Variants in CCR1 observed in about 807,000 individuals in gnomAD.
CCR1 encodes C-C chemokine receptor type 1.
In CCR1, 1 loss-of-function variant was observed where a neutral mutation model predicts 0.3. The observed-to-expected ratio is 3.70, with a 90% CI of 1.31 to 17.54. The LOEUF (loss-of-function observed/expected upper bound fraction) is 17.54, where lower values mean the gene tolerates loss of function less well. Ranked by LOEUF, CCR1 falls within the 30% of genes most tolerant of loss-of-function variation. CCR1 has a pLI of 0.11. For missense variants in CCR1, 349 were observed against 435.4 expected, an observed-to-expected ratio of 0.80 and a Z score of 1.77; for synonymous variants, 207 against 182.5, an observed-to-expected ratio of 1.13 and a Z score of -1.08.
In CCR1 at chr3:46,204,213, G is replaced by A; in HGVS notation, c.101C>T (p.Ala34Val). The change falls in exon 2 of 2, where the codon GCC becomes GTC. Residue 34 changes from alanine (A) to valine (V), a missense_variant. Physicochemically the swap from Ala to Val is moderately conservative, Grantham distance 64. Coordinates refer to ENST00000296140, the MANE Select transcript of CCR1 (RefSeq NM_001295.3). ...GGAGTACAGAGGGGGCAGCAGTTGG[G>A]CCCCAAAGGCCCTCTCGTTCACCTT... ...CQKVNERAFG[A>V]QLLPPLYSLV... 6.2e-7 allele frequency: 1 copy of A among 1,613,894 alleles called. No homozygotes were observed. The highest frequency in any genetic ancestry group is 8.5e-7 in the Non-Finnish European group (1 of 1,179,900).
chr3:46,205,880 G>A (rs1322477082), intron 1 of CCR1, among the ~76,000 whole-genome samples: 3 of 152,078 alleles, frequency 2.0e-5, no homozygotes, highest in African/African-American at 7.2e-5. Context: ...CTTCCCTGAG[G>A]CCTGACACCA....
At chr3:46,207,998 C>A (rs1325539028) in intron 1 of CCR1, among the ~76,000 whole-genome samples, 2 of 152,190 alleles carry the variant, frequency 1.3e-5, no homozygotes, top group Admixed American at 1.3e-4. Context: ...TTAGTACTGA[C>A]TGACTTTCTT....
In CCR1 at chr3:46,204,264, T is replaced by TCAACC; in HGVS notation, c.49_50insGGTTG (p.Asp17GlyfsTer13). The TCAACC allele has an allele frequency of 6.2e-7, 1 of 1,613,012 alleles. No homozygotes were observed. Among genetic ancestry groups the TCAACC allele is most frequent in the Non-Finnish European group, 8.5e-7 (1 of 1,179,582 alleles). The stretch of plus-strand genomic sequence containing the variant: ...CTGGCACGGAGTTGCATCCCCATAG[T>TCAACC]CAAACTCTGTGGTCGTGTCATAGTC... On this transcript the variant is annotated frameshift_variant, in exon 2 of 2. Coordinates refer to ENST00000296140, the MANE Select transcript of CCR1 (RefSeq NM_001295.3). LOFTEE classifies it low-confidence loss of function (END_TRUNC).
rs200167233 is a variant in CCR1 at position 46,203,555 on chromosome 3, G to T, written c.759C>A (p.Thr253=). Reference sequence around the variant, plus strand: ...AAATAAGTATAGTCAAATTGTAGGGGGTCCAAAAGAGAAAAAAGATGATCA... The same window carrying T: ...AAATAAGTATAGTCAAATTGTAGGGTGTCCAAAAGAGAAAAAAGATGATCA... ...VIMIIFFLFW[T]PYNLTILISV... The change falls in exon 2 of 2, where the codon ACC becomes ACA. Residue 253 remains threonine, a synonymous_variant. Coordinates refer to ENST00000296140, the MANE Select transcript of CCR1 (RefSeq NM_001295.3). The surrounding 1 kb of genome is among the most constrained non-coding windows in gnomAD (Gnocchi z 4.5). 2.1e-5 allele frequency: 34 copies of T among 1,613,802 alleles called. No homozygotes were observed. The highest frequency in any genetic ancestry group is 2.7e-5 in the Non-Finnish European group (32 of 1,179,972).
At position 46,203,058 on chromosome 3, in the gene CCR1, A is replaced by G; in HGVS notation, c.*188T>C. Reference sequence around the variant, plus strand: ...CTTCTTTCTACCAGGGGAGAAGTTCATGGAAAAGACTGAAGCCCCAGAAGC... The same window carrying G: ...CTTCTTTCTACCAGGGGAGAAGTTCGTGGAAAAGACTGAAGCCCCAGAAGC... On this transcript the variant is annotated 3_prime_UTR_variant, in exon 2 of 2. Transcript: ENST00000296140. This position sits in a 1 kb window ranked among gnomAD's most constrained non-coding sequence, Gnocchi z 4.5. 5.6e-6 allele frequency: 3 copies of G among 539,752 alleles called. No individual in the cohort carries two copies. Among genetic ancestry groups the G allele is most frequent in the Non-Finnish European group, 9.8e-6 (3 of 304,652 alleles). The allele number at this position is 539,752 out of a possible 1,614,324, so 33.4% of individuals were successfully genotyped here. A position where few individuals can be genotyped will look rare whatever the true frequency, so the allele number is the denominator to read the frequency against.
At position 46,203,924 on chromosome 3, in the gene CCR1, G is replaced by A; in HGVS notation, c.390C>T (p.Asp130=). The part of the protein sequence containing the change: ...EIFFIILLTI[D]RYLAIVHAVF... ...CGGCGTGGACGATGGCCAGGTACCT[G>A]TCAATCGTCAGCAGGATGATGAAAA... is the stretch of plus-strand genomic sequence containing the variant. Residue 130 remains aspartate, a synonymous_variant, in exon 2 of 2, where the codon GAC becomes GAT. Transcript: ENST00000296140. This position sits in a 1 kb window ranked among gnomAD's most constrained non-coding sequence, Gnocchi z 4.5. The A allele has an allele frequency of 6.2e-7, 1 of 1,614,174 alleles. No individual in the cohort carries two copies.
intron 1 of CCR1, among the ~76,000 whole-genome samples, chr3:46,205,466 G>A (rs181288066): frequency 1.2e-4 from 19 of 152,202 alleles, no homozygotes; most frequent in African/African-American, 4.6e-4. Flanking sequence ...TTTTACCCAC[G>A]GATGCCTTAA....
chr3:46,203,391 A>T lies in CCR1; in HGVS notation c.923T>A (p.Phe308Tyr), dbSNP rs377240394. The T allele has an allele frequency of 1.2e-6, 2 of 1,614,020 alleles. No individual in the cohort carries two copies. Among genetic ancestry groups the T allele is most frequent in the African/African-American group, 2.7e-5 (2 of 74,902 alleles). ...GAACAACTGCCGCAGGTACTTCCGG[A>T]ACCTCTCACCAACGAAGGCGTAGAT... ...PVIYAFVGERFRKYLRQLFHR... is the reference protein window; with the variant it reads ...PVIYAFVGERYRKYLRQLFHR... Residue 308 changes from phenylalanine to tyrosine, a missense_variant, in exon 2 of 2, where the codon TTC becomes TAC. Physicochemically the swap from Phe to Tyr is conservative, Grantham distance 22. Transcript: ENST00000296140. This position sits in a 1 kb window ranked among gnomAD's most constrained non-coding sequence, Gnocchi z 4.5.
chr3:46,208,245 A>C (rs1699664156), intron 1 of CCR1, 37 bp downstream of exon 1: 1 of 152,192 alleles, frequency 6.6e-6, no homozygotes, highest in Admixed American at 6.5e-5. Context: ...TGCCCTCCAC[A>C]GTAACAGATA....
chr3:46,203,382 TA>T lies in CCR1; in HGVS notation c.931del (p.Tyr311ThrfsTer59), dbSNP rs1264793656. On this transcript the variant is annotated frameshift_variant, in exon 2 of 2. Transcript: ENST00000296140. LOFTEE classifies it low-confidence loss of function (END_TRUNC). This position sits in a 1 kb window ranked among gnomAD's most constrained non-coding sequence, Gnocchi z 4.5. ...YAFVGERFRK[Y>X]LRQLFHRRVA... ...ACGCCTGTGGAACAACTGCCGCAGG[TA>T]CTTCCGGAACCTCTCACCAACGAAG... is the stretch of plus-strand genomic sequence containing the variant. The T allele has an allele frequency of 6.2e-7, 1 of 1,614,116 alleles. No homozygotes were observed. Among genetic ancestry groups the T allele is most frequent in the Admixed American group, 1.7e-5 (1 of 60,016 alleles).
intron 1 of CCR1, among the ~76,000 whole-genome samples, chr3:46,205,703 A>C (rs1392899117): frequency 6.6e-6 from 1 of 152,120 alleles, no homozygotes. Flanking sequence ...AGCAACTCTT[A>C]TCTTGCAAGG....
At position 46,202,882 on chromosome 3, in the gene CCR1, G is replaced by A. The variant is rs1254572352; in HGVS notation, c.*364C>T. The A allele has an allele frequency of 2.7e-5, 5 of 187,742 alleles. No homozygotes were observed. Among genetic ancestry groups the A allele is most frequent in the African/African-American group, 1.2e-4 (5 of 42,302 alleles). The allele number at this position is 187,742 out of a possible 1,614,324, so 11.6% of individuals were successfully genotyped here. The stretch of plus-strand genomic sequence containing the variant: ...AATGGAGCCCACAGTCACCACTACT[G>A]GGTTTAATTGGTTTGTGCAAGCAAT... On this transcript the variant is annotated 3_prime_UTR_variant, in exon 2 of 2. Transcript: ENST00000296140.
In CCR1 at chr3:46,201,861, AAAAGCAC is replaced by A; in HGVS notation, c.*1378_*1384del. On this transcript the variant is annotated 3_prime_UTR_variant, in exon 2 of 2. Transcript: ENST00000296140. ...AAACAAACTAAAAGAAAATACACTCAAAAGCACACAGTGGGCACATTTTGTCTTTGGG... is the reference window on the plus strand; with the variant it reads ...AAACAAACTAAAAGAAAATACACTCAACAGTGGGCACATTTTGTCTTTGGG... The A allele has an allele frequency of 6.6e-6, 1 of 152,360 alleles. No homozygotes were observed. The highest frequency in any genetic ancestry group is 1.5e-5 in the Non-Finnish European group (1 of 68,032). The allele number at this position is 152,360 out of a possible 1,614,324, so 9.4% of individuals were successfully genotyped here.
At chr3:46,207,336 C>T (rs1471869552) in intron 1 of CCR1, among the ~76,000 whole-genome samples, 1 of 152,050 alleles carries the variant, frequency 6.6e-6, no homozygotes, top group Non-Finnish European at 1.5e-5. Flanking sequence ...GAAGTAGATA[C>T]CTATACGGAG....
chr3:46,206,523 G>T (rs1315156480), intron 1 of CCR1, among the ~76,000 whole-genome samples: 1 of 152,222 alleles, frequency 6.6e-6, no homozygotes, highest in Non-Finnish European at 1.5e-5. Flanking sequence ...GTGGAAGTAT[G>T]CAAATAGCTT....
rs146106258 is a variant in CCR1 at position 46,204,230 on chromosome 3, G to A, written c.84C>T (p.Asn28=). The change falls in exon 2 of 2, where the codon AAC becomes AAT. Residue 28 remains asparagine (N), a synonymous_variant. Coordinates refer to ENST00000296140, the MANE Select transcript of CCR1 (RefSeq NM_001295.3). The stretch of plus-strand genomic sequence containing the variant: ...GCAGTTGGGCCCCAAAGGCCCTCTC[G>A]TTCACCTTCTGGCACGGAGTTGCAT... ...YGDATPCQKV[N]ERAFGAQLLP... 3.3e-5 allele frequency: 53 copies of A among 1,613,114 alleles called. No individual in the cohort carries two copies. The African/African-American group carries it at 4.1e-4, about 13-fold the overall frequency.
chr3:46,203,180 G>A lies in CCR1; in HGVS notation c.*66C>T. 8.4e-7 allele frequency: 1 copy of A among 1,193,178 alleles called. No individual in the cohort carries two copies. The highest frequency in any genetic ancestry group is 1.4e-5 in the South Asian group (1 of 70,854). The allele number at this position is 1,193,178 out of a possible 1,614,324, so 73.9% of individuals were successfully genotyped here. On this transcript the variant is annotated 3_prime_UTR_variant, in exon 2 of 2. Coordinates refer to ENST00000296140, the MANE Select transcript of CCR1 (RefSeq NM_001295.3). The surrounding 1 kb of genome is among the most constrained non-coding windows in gnomAD (Gnocchi z 4.5). ...GTCAGAACCTGGCTGGGAGAGCCAG[G>A]CTGCTGGCTCAGTGTGCCTGGCAGG...
At position 46,204,018 on chromosome 3, in the gene CCR1, C is replaced by A; in HGVS notation, c.296G>T (p.Trp99Leu). The part of the protein sequence containing the change: ...FWIDYKLKDD[W>L]VFGDAMCKIL... ...CTTACACATGGCATCACCAAAAACC[C>A]AGTCATCCTTCAACTTGTAGTCGAT... Residue 99 changes from tryptophan (W) to leucine (L), a missense_variant, in exon 2 of 2, where the codon TGG (tryptophan) becomes TTG (leucine). Coordinates refer to ENST00000296140, the MANE Select transcript of CCR1 (RefSeq NM_001295.3). The A allele has an allele frequency of 1.2e-6, 2 of 1,614,206 alleles. No homozygotes were observed. Among genetic ancestry groups the A allele is most frequent in the Non-Finnish European group, 1.7e-6 (2 of 1,180,040 alleles).
rs1699623220 is a variant in CCR1 at position 46,203,956 on chromosome 3, C to T, written c.358G>A (p.Glu120Lys). 6.2e-7 allele frequency: 1 copy of T among 1,614,166 alleles called. No individual in the cohort carries two copies. The highest frequency in any genetic ancestry group is 8.5e-7 in the Non-Finnish European group (1 of 1,180,024). Reference sequence around the variant, plus strand: ...GTCAGCAGGATGATGAAAAAGATCTCGCTGTACAAGCCTGTGTAATAAAAC... The same window carrying T: ...GTCAGCAGGATGATGAAAAAGATCTTGCTGTACAAGCCTGTGTAATAAAAC... ...SGFYYTGLYS[E>K]IFFIILLTID... Residue 120 changes from glutamate (E) to lysine (K), a missense_variant, in exon 2 of 2, where the codon GAG becomes AAG. Glu to Lys is a moderately conservative substitution (Grantham distance 56, BLOSUM62 1). Transcript: ENST00000296140. This position sits in a 1 kb window ranked among gnomAD's most constrained non-coding sequence, Gnocchi z 4.5.
Sources: gnomAD v4.1 joint callset for allele counts (sites outside exome capture counted in the v4.1 genomes callset) on GRCh38, gnomAD v4.1.1 for gene constraint, Gnocchi (gnomAD v3.1) non-coding constraint, MANE v1.5 for transcripts, NCBI Gene and HGNC (gene_info 2026-07-23, HGNC 2026-07-21) for gene names.